RAB5A: variants seen among roughly 807,000 people sequenced by gnomAD.
The protein encoded by RAB5A is ras-related protein Rab-5A.
RAB5A carries 8 observed loss-of-function variants against 25.7 expected under a neutral mutation model. That is an observed-to-expected ratio of 0.31 (90% CI 0.18 to 0.56). The LOEUF is 0.56. Among genes scored for constraint, RAB5A ranks in the 20% least tolerant of loss-of-function variants. The probability of loss-of-function intolerance (pLI) is 0.91; values close to 1 mark genes in which losing one functional copy is unlikely to be tolerated. For synonymous variants in RAB5A, 98 were observed against 89.8 expected (o/e 1.09, Z -0.52); for missense variants, 192 against 259.7 (o/e 0.74, Z 1.79).
chr3:19,955,823 G>A (rs539179701), intron 2 of RAB5A, among the ~76,000 whole-genome samples: 4 of 152,086 alleles, frequency 2.6e-5, no homozygotes, highest in South Asian at 4.2e-4. Flanking sequence ...CCCAGGAGGC[G>A]GAGGAGGTTG....
chr3:19,970,165 G>C (rs969196996), intron 2 of RAB5A, among the ~76,000 whole-genome samples: 1 of 152,164 alleles, frequency 6.6e-6, no homozygotes, highest in Admixed American at 6.5e-5. Flanking sequence ...CTCCCAAAGT[G>C]CTGGGATTAC....
intron 5 of RAB5A, among the ~76,000 whole-genome samples, chr3:19,983,435 A>G (rs1037733949): frequency 6.6e-6 from 1 of 152,126 alleles, no homozygotes; most frequent in Non-Finnish European, 1.5e-5. Context: ...AGAGAATTAC[A>G]TAAAGCACTA....
At chr3:19,952,369 G>T (rs188980565) in intron 2 of RAB5A, among the ~76,000 whole-genome samples, 2 of 152,220 alleles carry the variant, frequency 1.3e-5, no homozygotes, top group Admixed American at 1.3e-4. Flanking sequence ...GTTTTCTAAG[G>T]TATTCATGTA....
chr3:19,965,689 CA>C (rs1173393479), intron 2 of RAB5A, among the ~76,000 whole-genome samples: 2 of 152,128 alleles, frequency 1.3e-5, no homozygotes, highest in Non-Finnish European at 2.9e-5. Flanking sequence ...AATTGTTTCA[CA>C]ACTATTACCT....
At chr3:19,962,601 A>G (rs147319915) in intron 2 of RAB5A, among the ~76,000 whole-genome samples, 2,557 of 152,180 alleles carry the variant, frequency 0.017, 38 homozygotes, top group Non-Finnish European at 0.029. Context: ...CGTAAGACCT[A>G]TCTATATCAA....
chr3:19,976,132 A>G lies in RAB5A; in HGVS notation c.401A>G (p.Lys134Arg). 1.2e-6 allele frequency: 2 copies of G among 1,611,914 alleles called. No homozygotes were observed. The change falls in exon 4 of 6, where the codon AAG becomes AGG. Residue 134 changes from lysine to arginine, a missense_variant. Lys to Arg is a conservative substitution (Grantham distance 26). This residue lies in a region of RAB5A where 121 missense variants were observed against 135.7 expected (regional missense o/e 0.89). Transcript: ENST00000273047. ...ATTGTAATAGCTTTATCGGGAAACA[A>G]GGCCGACCTAGCAAATAAAAGAGCA... ...PNIVIALSGN[K>R]ADLANKRAVD... is the part of the protein sequence containing the mutation.
chr3:19,963,791 C>T (rs1035729808), intron 2 of RAB5A, among the ~76,000 whole-genome samples: 1 of 152,030 alleles, frequency 6.6e-6, no homozygotes, highest in African/African-American at 2.4e-5. Context: ...ACTACGTGTG[C>T]ATGTGCCACC....
chr3:19,965,548 T>TA (rs141422440), intron 2 of RAB5A, among the ~76,000 whole-genome samples: 28,940 of 152,086 alleles, frequency 0.19, 3,055 homozygotes, highest in Non-Finnish European at 0.24. Context: ...GCTGTGATAG[T>TA]AAAAAGCATT....
intron 1 of RAB5A, among the ~76,000 whole-genome samples, chr3:19,949,098 C>T (rs1236250578): frequency 1.3e-5 from 2 of 152,044 alleles, no homozygotes; most frequent in South Asian, 2.1e-4. Flanking sequence ...TTTGCCCAGA[C>T]GGAAATTGGT....
At chr3:19,953,738 T>G (rs1304253842) in intron 2 of RAB5A, among the ~76,000 whole-genome samples, 1 of 152,132 alleles carries the variant, frequency 6.6e-6, no homozygotes, top group African/African-American at 2.4e-5. Flanking sequence ...TTGGATACTT[T>G]TTCACTGTGC....
intron 2 of RAB5A, among the ~76,000 whole-genome samples, chr3:19,974,631 A>G (rs1696796107): frequency 6.6e-6 from 1 of 151,724 alleles, no homozygotes; most frequent in African/African-American, 2.4e-5. Flanking sequence ...AAAATAATAT[A>G]GCAAGAGGCC....
chr3:19,978,156 GT>G (rs1435508002), intron 4 of RAB5A, among the ~76,000 whole-genome samples, 153 bp from the exon 5 acceptor site: 17 of 152,202 alleles, frequency 1.1e-4, no homozygotes, highest in Admixed American at 1.1e-3. Context: ...TCTTACCTCT[GT>G]TGTAGCTTAT....
chr3:19,958,373 T>G (rs915314878), intron 2 of RAB5A, among the ~76,000 whole-genome samples: 20 of 152,338 alleles, frequency 1.3e-4, no homozygotes, highest in African/African-American at 4.6e-4. Context: ...AAAAAATCTT[T>G]CGGTAGTCTT....
chr3:19,982,072 T>C (rs1696939442), intron 5 of RAB5A, among the ~76,000 whole-genome samples: 1 of 151,080 alleles, frequency 6.6e-6, no homozygotes, highest in Admixed American at 6.6e-5. Context: ...CAAGACCCTA[T>C]CTCTACCAAA....
intron 2 of RAB5A, 31 bp from the exon 3 acceptor site, chr3:19,975,570 T>C (rs760268912): frequency 6.3e-7 from 1 of 1,598,092 alleles, no homozygotes; most frequent in Admixed American, 1.8e-5. Flanking sequence ...TGGAGAAAAA[T>C]GATTGACTTA....
At chr3:19,975,958 T>G (rs1238237306) in intron 3 of RAB5A, 89 bp from the exon 4 acceptor site, 1 of 1,492,624 alleles carries the variant, frequency 6.7e-7, no homozygotes, top group Non-Finnish European at 9.0e-7. Flanking sequence ...CACAGTCACT[T>G]GGGACAGTCT....
intron 4 of RAB5A, among the ~76,000 whole-genome samples, chr3:19,976,844 A>G (rs926427609): frequency 7.2e-5 from 11 of 152,184 alleles, no homozygotes; most frequent in Admixed American, 2.6e-4. Flanking sequence ...CCACATATGT[A>G]CATACGCAAA....
intron 1 of RAB5A, among the ~76,000 whole-genome samples, chr3:19,948,192 C>T (rs746493730): frequency 6.6e-6 from 1 of 152,178 alleles, no homozygotes; most frequent in African/African-American, 2.4e-5. Flanking sequence ...CGTTATCTTC[C>T]CTGGAAGCTG....
chr3:19,971,262 C>T (rs1368221790), intron 2 of RAB5A, among the ~76,000 whole-genome samples: 5 of 149,344 alleles, frequency 3.3e-5, no homozygotes, highest in East Asian at 2.0e-4. Flanking sequence ...AAATCATGAA[C>T]GTCTTAGGGT....
Sources: gnomAD v4.1 joint callset for allele counts (sites outside exome capture counted in the v4.1 genomes callset) on GRCh38, gnomAD v4.1.1 for gene constraint, gnomAD v4.1.1 regional missense constraint, MANE v1.5 for transcripts, NCBI Gene and HGNC (gene_info 2026-07-23, HGNC 2026-07-21) for gene names.